The following SRP68 variants were observed in gnomAD, a reference collection of about 807,000 sequenced individuals.
The protein encoded by SRP68 is signal recognition particle subunit SRP68.
In SRP68, 15 loss-of-function variants were observed where a neutral mutation model predicts 82.2. The ratio of observed to expected loss-of-function variants is 0.18; its 90% CI spans 0.12 to 0.28. The LOEUF (loss-of-function observed/expected upper bound fraction) is 0.28. Ranked by LOEUF, SRP68 falls within the 10% of genes least tolerant of loss-of-function variation. SRP68 has a pLI of 1.00. For missense variants in SRP68, 595 were observed against 780.5 expected (o/e 0.76, Z 2.83); for synonymous variants, 261 against 292.6 (o/e 0.89, Z 1.10).
Position 76,046,083 on chromosome 17 carries a change from T to G in SRP68, c.1254A>C (p.Ser418=). ...GTCGGATCAGGTCCTGGGGCCGGGG[T>G]GAGCGCTTGCTGTCATCCTCTGGCT... is the stretch of plus-strand genomic sequence containing the variant. ...QQQPEDDSKR[S]PRPQDLIRLY... is the part of the protein sequence containing the mutation. The change falls in exon 11 of 16, where the codon TCA becomes TCC. Residue 418 remains serine, a synonymous_variant. Coordinates refer to ENST00000307877, the MANE Select transcript of SRP68 (RefSeq NM_014230.4). The G allele has an allele frequency of 6.2e-7, 1 of 1,613,652 alleles. No individual in the cohort carries two copies. The highest frequency in any genetic ancestry group is 1.1e-5 in the South Asian group (1 of 91,054).
Position 76,071,978 on chromosome 17 carries a change from GGCTCAAGGTGCCAAAGCAAGGT to G in SRP68, c.184+308_184+329del. Reference sequence around the variant, plus strand: ...TGCAGTTTCCTCTCCCCAGTTCAGTGGCTCAAGGTGCCAAAGCAAGGTGCTCAAGGTGTCACTTGGTCACAAG... The same window carrying G: ...TGCAGTTTCCTCTCCCCAGTTCAGTGGCTCAAGGTGTCACTTGGTCACAAG... On this transcript the variant is annotated intron_variant, in intron 1 of 15. Transcript: ENST00000307877. The surrounding 1 kb of genome is among the most constrained non-coding windows in gnomAD (Gnocchi z 4.7). The G allele has an allele frequency of 2.3e-6, 1 of 444,114 alleles. No individual in the cohort carries two copies. Among genetic ancestry groups the G allele is most frequent in the Non-Finnish European group, 4.0e-6 (1 of 249,278 alleles). The allele number at this position is 444,114 out of a possible 1,614,324, so 27.5% of individuals were successfully genotyped here.
Position 76,067,326 on chromosome 17 carries a change from A to G in SRP68, c.256T>C (p.Tyr86His). Residue 86 changes from tyrosine to histidine, a missense_variant, in exon 3 of 16, where the codon TAC becomes CAC. Coordinates refer to ENST00000307877, the MANE Select transcript of SRP68 (RefSeq NM_014230.4). ...AGACGTCTTTGTCTACGGGAACAGT[A>G]GCCCCTGTAAGAAACCACAAACAAA... Reference protein sequence around the residue: ...RHGDFQRYRGYCSRRQRRLRK... With the variant: ...RHGDFQRYRGHCSRRQRRLRK... 1 of 1,609,940 alleles carries G rather than the reference A, an allele frequency of 6.2e-7. No individual in the cohort carries two copies. Among genetic ancestry groups the G allele is most frequent in the Non-Finnish European group, 8.5e-7 (1 of 1,178,126 alleles).
intron 8 of SRP68, among the ~76,000 whole-genome samples, chr17:76,053,007 A>G (rs1395129521): frequency 6.6e-6 from 1 of 151,884 alleles, no homozygotes; most frequent in African/African-American, 2.4e-5. Flanking sequence ...CACGCCTGTA[A>G]TCCCAGCACT....
intron 5 of SRP68, 64 bp from the exon 6 acceptor site, chr17:76,061,283 A>C (rs2066750583): frequency 3.3e-6 from 4 of 1,198,496 alleles, no homozygotes; most frequent in Admixed American, 3.7e-5. Flanking sequence ...TGGGGAACAC[A>C]GTGACTAAAA....
rs1377477429 is a variant in SRP68, at chr17:76,072,152, C to CG, written c.184+155_184+156insC. On this transcript the variant is annotated intron_variant, in intron 1 of 15. Coordinates refer to ENST00000307877, the MANE Select transcript of SRP68 (RefSeq NM_014230.4). This position sits in a 1 kb window ranked among gnomAD's most constrained non-coding sequence, Gnocchi z 4.5. ...GAAAGACTAGTCGAGAGACAGACCCCCCCCGGAATTCTGAGCACCAAAAGG... is the reference window on the plus strand; with the variant it reads ...GAAAGACTAGTCGAGAGACAGACCCCGCCCCGGAATTCTGAGCACCAAAAGG... 5 of 1,416,328 alleles carry CG rather than the reference C, an allele frequency of 3.5e-6. No homozygotes were observed. Among genetic ancestry groups the CG allele is most frequent in the Non-Finnish European group, 4.8e-6 (5 of 1,051,296 alleles). 87.7% of individuals were successfully genotyped at this position (1,416,328 alleles called of 1,614,324 possible).
intron 10 of SRP68, 146 bp from the exon 11 acceptor site, chr17:76,046,340 G>T: frequency 2.4e-6 from 2 of 847,740 alleles, no homozygotes; most frequent in South Asian, 1.6e-5. Flanking sequence ...TGGGCTTCAA[G>T]GGACCCTCCA....
Position 76,060,438 on chromosome 17 carries a change from TGA to T in SRP68, c.755-50_755-49del, listed in dbSNP as rs1374665174. On this transcript the variant is annotated intron_variant, in intron 6 of 15. Transcript: ENST00000307877. ...TCTTCAAGGGTCTGGTCTGTTTTCT[TGA>T]GAATCACTAGATTCAACTCAGACTT... 5 of 1,408,064 alleles carry T rather than the reference TGA, an allele frequency of 3.6e-6. No homozygotes were observed. In the South Asian group the frequency reaches 5.9e-5, roughly 16 times the overall value. The allele number at this position is 1,408,064 out of a possible 1,614,324, so 87.2% of individuals were successfully genotyped here. A position where few individuals can be genotyped will look rare whatever the true frequency, so the allele number is the denominator to read the frequency against.
intron 4 of SRP68, among the ~76,000 whole-genome samples, chr17:76,063,039 G>C (rs1416582760): frequency 6.6e-6 from 1 of 151,078 alleles, no homozygotes; most frequent in Non-Finnish European, 1.5e-5. Context: ...CAAAGTGCTG[G>C]GATTACAGGC....
In SRP68 at chr17:76,070,850, G is replaced by GCACATGCACACA. The variant is rs149422993; in HGVS notation, c.185-407_185-406insTGTGTGCATGTG. 7.0e-4 allele frequency among the ~76,000 whole-genome samples: 103 copies of GCACATGCACACA among 146,886 alleles called. 1 individual carries two copies. Among genetic ancestry groups the GCACATGCACACA allele is most frequent in the African/African-American group, 2.5e-3 (98 of 39,902 alleles). ...GTGAGATTCAGTCACACATGCACAT[G>GCACATGCACACA]CACACACACACACACACACACACAC... On this transcript the variant is annotated intron_variant, in intron 1 of 15. Transcript: ENST00000307877.
chr17:76,059,290 C>T (rs1453183205), intron 7 of SRP68, among the ~76,000 whole-genome samples: 3 of 151,770 alleles, frequency 2.0e-5, no homozygotes, highest in African/African-American at 7.3e-5. Flanking sequence ...CACGCCTATA[C>T]TCCCAGCACT....
In SRP68 at chr17:76,064,175, G is replaced by C; in HGVS notation, c.366-4C>G. On this transcript the variant is annotated splice_region_variant and splice_polypyrimidine_tract_variant and intron_variant, in intron 3 of 15. Transcript: ENST00000307877. ...CATCAGAACCAGAAGCAAGTATCTA[G>C]ACCAGAGACAGAAGTGGGGAGACAA... The C allele has an allele frequency of 6.2e-7, 1 of 1,613,286 alleles. No homozygotes were observed. Among genetic ancestry groups the C allele is most frequent in the Non-Finnish European group, 8.5e-7 (1 of 1,179,504 alleles).
At chr17:76,057,644 T>A in intron 7 of SRP68, 101 bp from the exon 8 acceptor site, 1 of 1,283,404 alleles carries the variant, frequency 7.8e-7, no homozygotes, top group Non-Finnish European at 1.1e-6. Context: ...ATAACCAACA[T>A]ATTATACTCC....
chr17:76,049,286 T>C (rs544011673), intron 9 of SRP68: 1 of 152,332 alleles, frequency 6.6e-6, no homozygotes, highest in African/African-American at 2.4e-5. Context: ...AAGTATCAGA[T>C]ATTTAGAAAC....
chr17:76,067,257 T>C lies in SRP68; in HGVS notation c.325A>G (p.Thr109Ala), dbSNP rs1446926784. Residue 109 changes from threonine (T) to alanine (A), a missense_variant, in exon 3 of 16, where the codon ACA (threonine) becomes GCA (alanine). Thr to Ala is a moderately conservative substitution (Grantham distance 58). Coordinates refer to ENST00000307877, the MANE Select transcript of SRP68 (RefSeq NM_014230.4). ...AGCTCTTCAGTCACTTTCTTCCCTG[T>C]GAATTTGTGTCTGTTACCCATCTTG... ...NFKMGNRHKF[T>A]GKKVTEELLT... 1.2e-5 allele frequency: 19 copies of C among 1,613,922 alleles called. No homozygotes were observed. The highest frequency in any genetic ancestry group is 1.6e-5 in the Non-Finnish European group (19 of 1,179,924).
chr17:76,062,405 A>C (rs2144517908), intron 4 of SRP68, among the ~76,000 whole-genome samples: 1 of 144,650 alleles, frequency 6.9e-6, no homozygotes, highest in Admixed American at 7.5e-5. Context: ...GCAGCGAGCC[A>C]TGACTGTGCA....
chr17:76,053,617 A>C (rs1567930634), intron 8 of SRP68: 12 of 985,308 alleles, frequency 1.2e-5, no homozygotes, highest in Non-Finnish European at 1.4e-5. Flanking sequence ...TCCCACTGGG[A>C]ATTTTACAAA....
At chr17:76,053,930 T>G (rs2066694253) in intron 8 of SRP68, among the ~76,000 whole-genome samples, 1 of 152,218 alleles carries the variant, frequency 6.6e-6, no homozygotes, top group African/African-American at 2.4e-5. Flanking sequence ...TACACCGACC[T>G]TCTCCGCCAG....
At chr17:76,045,747 G>C (rs1267889881) in intron 11 of SRP68, among the ~76,000 whole-genome samples, 1 of 152,162 alleles carries the variant, frequency 6.6e-6, no homozygotes, top group Non-Finnish European at 1.5e-5. Flanking sequence ...CAAACTCCCT[G>C]GGGGCCGAGA....
intron 13 of SRP68, among the ~76,000 whole-genome samples, chr17:76,042,805 G>A (rs903587566): frequency 6.6e-6 from 1 of 151,952 alleles, no homozygotes; most frequent in Non-Finnish European, 1.5e-5. Context: ...GGCTGGTCTC[G>A]AACTCCTTAC....
Sources: gnomAD v4.1 joint callset for allele counts (sites outside exome capture counted in the v4.1 genomes callset) on GRCh38, gnomAD v4.1.1 for gene constraint, Gnocchi (gnomAD v3.1) non-coding constraint, MANE v1.5 for transcripts, NCBI Gene and HGNC (gene_info 2026-07-23, HGNC 2026-07-21) for gene names.